The following STPG2 variants were observed in gnomAD, a reference collection of about 807,000 sequenced individuals.
The protein encoded by STPG2 is sperm-tail PG-rich repeat-containing protein 2.
STPG2 carries 56 observed loss-of-function variants against 54.2 expected under a neutral mutation model. The observed-to-expected ratio is 1.03, with a 90% confidence interval of 0.83 to 1.29. The LOEUF is 1.29. Ranked by LOEUF, STPG2 falls within the 50% of genes most tolerant of loss-of-function variation. The pLI, the probability that STPG2 is intolerant of heterozygous loss-of-function variation, is 0.00. For missense variants in STPG2, 596 were observed against 544.9 expected (o/e 1.09, Z -0.93); for synonymous variants, 200 against 181.8 (o/e 1.10, Z -0.81).
chr4:98,067,695 G>T (rs1355331750), intron 5 of STPG2, among the ~76,000 whole-genome samples: 1 of 152,108 alleles, frequency 6.6e-6, no homozygotes, highest in African/African-American at 2.4e-5. Flanking sequence ...TAGGCATAAA[G>T]TTAAAAGAGA....
intron 8 of STPG2, among the ~76,000 whole-genome samples, chr4:97,913,877 T>G (rs1485983192): frequency 2.0e-5 from 3 of 152,156 alleles, no homozygotes; most frequent in East Asian, 1.9e-4. Context: ...AAGAAAAATT[T>G]TAACATTTAC....
At chr4:97,571,303 A>G (rs1732593945) in intron 10 of STPG2, among the ~76,000 whole-genome samples, 1 of 152,066 alleles carries the variant, frequency 6.6e-6, no homozygotes, top group Admixed American at 6.6e-5. Flanking sequence ...TAAAGTTCTA[A>G]GGCTCCCCAA....
intron 6 of STPG2, among the ~76,000 whole-genome samples, chr4:97,979,793 C>T (rs572412572): frequency 1.3e-4 from 19 of 150,634 alleles, no homozygotes; most frequent in African/African-American, 4.4e-4. Flanking sequence ...GGCACTATCT[C>T]GGCTCACTGC....
intron 4 of STPG2, among the ~76,000 whole-genome samples, chr4:97,452,434 C>T (rs547085141): frequency 4.4e-4 from 67 of 152,094 alleles, no homozygotes; most frequent in Non-Finnish European, 8.5e-4. Flanking sequence ...GGCCAGGCTG[C>T]CAGTCCTACA....
chr4:98,097,728 A>T (rs762857597), intron 5 of STPG2, among the ~76,000 whole-genome samples: 5 of 152,196 alleles, frequency 3.3e-5, no homozygotes, highest in African/African-American at 7.2e-5. Context: ...GGAAAACCTA[A>T]AGACTCCACA....
intron 9 of STPG2, among the ~76,000 whole-genome samples, chr4:97,743,406 A>G (rs976307520): frequency 2.6e-5 from 4 of 151,680 alleles, no homozygotes; most frequent in African/African-American, 9.7e-5. Context: ...ACTTACATAG[A>G]CTTATTGTTA....
At chr4:97,613,682 G>T (rs141110514) in intron 10 of STPG2, among the ~76,000 whole-genome samples, 1 of 151,954 alleles carries the variant, frequency 6.6e-6, no homozygotes, top group African/African-American at 2.4e-5. Context: ...CTGAACTGAT[G>T]TATATTTATT....
At chr4:97,873,071 C>T (rs1029614323) in intron 8 of STPG2, among the ~76,000 whole-genome samples, 5 of 151,348 alleles carry the variant, frequency 3.3e-5, no homozygotes, top group African/African-American at 1.2e-4. Context: ...AAATAATACA[C>T]ATATACGTAT....
At chr4:97,801,428 A>G (rs1727393059) in intron 9 of STPG2, among the ~76,000 whole-genome samples, 1 of 152,058 alleles carries the variant, frequency 6.6e-6, no homozygotes, top group African/African-American at 2.4e-5. Flanking sequence ...CATCAACCCT[A>G]ATACTACTAT....
intron 10 of STPG2, among the ~76,000 whole-genome samples, chr4:97,622,285 G>T (rs1734032578): frequency 6.6e-6 from 1 of 151,998 alleles, no homozygotes; most frequent in African/African-American, 2.4e-5. Context: ...AGAGCAATCA[G>T]GCAAGAGAAA....
intron 5 of STPG2, among the ~76,000 whole-genome samples, chr4:98,005,422 T>C (rs992732659): frequency 3.9e-5 from 6 of 152,212 alleles, no homozygotes; most frequent in Admixed American, 2.6e-4. Context: ...CTTCCAGTAC[T>C]ACATTAAATA....
At chr4:97,450,886 A>T (rs1729349240) in intron 4 of STPG2, among the ~76,000 whole-genome samples, 1 of 152,172 alleles carries the variant, frequency 6.6e-6, no homozygotes, top group African/African-American at 2.4e-5. Flanking sequence ...GCACTTATTT[A>T]ACTACTAAAA....
At chr4:97,944,047 T>C in intron 7 of STPG2, 40 bp from the exon 8 acceptor site, 1 of 1,326,360 alleles carries the variant, frequency 7.5e-7, no homozygotes. Flanking sequence ...ATCATTTATT[T>C]TTATCAATAC....
At chr4:97,901,231 T>C (rs777485530) in intron 8 of STPG2, among the ~76,000 whole-genome samples, 4 of 151,886 alleles carry the variant, frequency 2.6e-5, no homozygotes, top group African/African-American at 9.7e-5. Context: ...ACAGCTAACA[T>C]CATACTCAAT....
intron 10 of STPG2, among the ~76,000 whole-genome samples, chr4:97,697,372 C>T (rs1446739343): frequency 6.6e-6 from 1 of 152,154 alleles, no homozygotes; most frequent in Non-Finnish European, 1.5e-5. Flanking sequence ...CCCAGGCACC[C>T]CTGACCTTAA....
intron 5 of STPG2, among the ~76,000 whole-genome samples, chr4:98,072,063 T>C (rs1212386771): frequency 6.6e-6 from 1 of 152,158 alleles, no homozygotes. Flanking sequence ...ACTGGGTACA[T>C]ACCCAAAGGA....
chr4:97,955,692 C>T (rs892439518), intron 7 of STPG2, among the ~76,000 whole-genome samples: 2 of 152,076 alleles, frequency 1.3e-5, no homozygotes, highest in African/African-American at 4.8e-5. Context: ...GTTCTGCAAA[C>T]CTCAGGCTAA....
intron 10 of STPG2, among the ~76,000 whole-genome samples, chr4:97,618,086 G>A (rs1043176122): frequency 2.0e-5 from 3 of 152,122 alleles, no homozygotes; most frequent in African/African-American, 7.2e-5. Context: ...CCTCCACTGA[G>A]TTGGAGTTTA....
At chr4:97,779,614 C>A (rs1344349188) in intron 9 of STPG2, among the ~76,000 whole-genome samples, 1 of 152,050 alleles carries the variant, frequency 6.6e-6, no homozygotes, top group African/African-American at 2.4e-5. Context: ...AGAGCAACTC[C>A]AAGACACATA....
Sources: gnomAD v4.1 joint callset for allele counts (sites outside exome capture counted in the v4.1 genomes callset) on GRCh38, gnomAD v4.1.1 for gene constraint, MANE v1.5 for transcripts, NCBI Gene and HGNC (gene_info 2026-07-23, HGNC 2026-07-21) for gene names.